Variants in RPTOR observed in about 807,000 individuals in gnomAD.
RPTOR encodes the protein regulatory-associated protein of mTOR.
Under a neutral mutation model 169.9 loss-of-function variants are expected in RPTOR, and 21 were observed. The observed-to-expected ratio is 0.12, with a 90% CI of 0.09 to 0.18. RPTOR has a LOEUF of 0.18. RPTOR is among the 10% of genes least tolerant of loss of function. The pLI is 1.00. For synonymous variants in RPTOR, 732 were observed against 753.2 expected, an observed-to-expected ratio of 0.97 and a Z score of 0.46; for missense variants, 1,133 against 1,855.9, an observed-to-expected ratio of 0.61 and a Z score of 7.16.
At chr17:80,809,167 C>T (rs1021708394) in intron 7 of RPTOR, among the ~76,000 whole-genome samples, 4 of 152,246 alleles carry the variant, frequency 2.6e-5, no homozygotes, top group Non-Finnish European at 4.4e-5. Context: ...CATGTCGACA[C>T]TTGGCATTCT....
At chr17:80,626,417 A>G (rs942362882) in intron 2 of RPTOR, among the ~76,000 whole-genome samples, 13 of 152,156 alleles carry the variant, frequency 8.5e-5, no homozygotes, top group Non-Finnish European at 1.3e-4. Flanking sequence ...TACACTTAAA[A>G]AAAAAATGGA....
At chr17:80,599,553 G>A (rs1230493813) in intron 1 of RPTOR, among the ~76,000 whole-genome samples, 2 of 152,228 alleles carry the variant, frequency 1.3e-5, no homozygotes, top group Non-Finnish European at 2.9e-5. Context: ...CTCCAGGAGA[G>A]TGCTGCTGGC....
chr17:80,717,842 C>G (rs2066252599), intron 4 of RPTOR, among the ~76,000 whole-genome samples: 1 of 152,202 alleles, frequency 6.6e-6, no homozygotes, highest in African/African-American at 2.4e-5. Flanking sequence ...CATGCACCGC[C>G]CTCCCTTGCA....
chr17:80,714,624 G>A (rs530720272), intron 4 of RPTOR, among the ~76,000 whole-genome samples: 1 of 152,302 alleles, frequency 6.6e-6, no homozygotes, highest in South Asian at 2.1e-4. Flanking sequence ...ATGAAACTAT[G>A]ACACCCAAAT....
At chr17:80,835,202 A>G (rs2067550451) in intron 9 of RPTOR, among the ~76,000 whole-genome samples, 1 of 152,204 alleles carries the variant, frequency 6.6e-6, no homozygotes, top group Non-Finnish European at 1.5e-5. Context: ...TATATTTCAT[A>G]TATTTGAAAG....
chr17:80,626,642 C>CA (rs1475317736), intron 2 of RPTOR, among the ~76,000 whole-genome samples: 1 of 151,044 alleles, frequency 6.6e-6, no homozygotes, highest in African/African-American at 2.4e-5. Context: ...GAACATGAGA[C>CA]ATAGAGATTA....
chr17:80,593,180 A>T (rs555843074), intron 1 of RPTOR: 1 of 153,142 alleles, frequency 6.5e-6, no homozygotes, highest in East Asian at 1.9e-4. Flanking sequence ...CACTTCAAGG[A>T]AAACAACTGA....
Position 80,746,975 on chromosome 17 carries a change from C to T in RPTOR, c.655-7035C>T, listed in dbSNP as rs968238758. Among the ~76,000 whole-genome samples the T allele has an allele frequency of 1.3e-4, 20 of 151,926 alleles. No homozygotes were observed. The highest frequency in any genetic ancestry group is 1.1e-3 in the Admixed American group (17 of 15,264). On this transcript the variant is annotated intron_variant, in intron 5 of 33. Transcript: ENST00000306801. The surrounding 1 kb of genome is among the most constrained non-coding windows in gnomAD (Gnocchi z 4.5). ...GGTCAGGCCTGTAACCCCAGAACTTCGGGAGGCCGAGGCAGGCAGCTCACT... is the reference window on the plus strand; with the variant it reads ...GGTCAGGCCTGTAACCCCAGAACTTTGGGAGGCCGAGGCAGGCAGCTCACT...
At chr17:80,674,787 C>CAAAAAAAAAAAAAAA (rs9319608) in intron 3 of RPTOR, among the ~76,000 whole-genome samples, 6 of 89,952 alleles carry the variant, frequency 6.7e-5, no homozygotes, top group African/African-American at 1.2e-4. Flanking sequence ...GACTCTGTCT[C>CAAAAAAAAAAAAAAA]AAAAAAAAAA....
intron 25 of RPTOR, among the ~76,000 whole-genome samples, chr17:80,942,232 G>A (rs953419367): frequency 5.3e-5 from 8 of 151,696 alleles, no homozygotes; most frequent in African/African-American, 9.7e-5. Context: ...GCCAGCACAC[G>A]GGGGCTGCCT....
intron 6 of RPTOR, among the ~76,000 whole-genome samples, chr17:80,771,377 C>G (rs979254140): frequency 6.6e-6 from 1 of 152,200 alleles, no homozygotes; most frequent in Non-Finnish European, 1.5e-5. Context: ...ACCTCTCATG[C>G]CTGAAACAAA....
chr17:80,545,130 G>T lies in RPTOR; in HGVS notation c.-500G>T, dbSNP rs906470623. 15 of 234,132 alleles carry T rather than the reference G, an allele frequency of 6.4e-5. No individual in the cohort carries two copies. The highest frequency in any genetic ancestry group is 8.4e-5 in the Non-Finnish European group (10 of 118,410). The allele number at this position is 234,132 out of a possible 1,614,324, so 14.5% of individuals were successfully genotyped here. On this transcript the variant is annotated 5_prime_UTR_variant, in exon 1 of 34. Coordinates refer to ENST00000306801, the MANE Select transcript of RPTOR (RefSeq NM_020761.3). ...CTCAGACGAGTGCGGGACCCGCAGG[G>T]CTGAGAGTGGCTGGAGGAGACCCAG... is the stretch of plus-strand genomic sequence containing the variant.
At chr17:80,759,457 CAG>C (rs1166306081) in intron 6 of RPTOR, among the ~76,000 whole-genome samples, 3 of 152,110 alleles carry the variant, frequency 2.0e-5, no homozygotes, top group Non-Finnish European at 4.4e-5. Flanking sequence ...CAGTGGCAGA[CAG>C]TGGTCATCAG....
chr17:80,950,270 C>G (rs1468036), intron 28 of RPTOR, among the ~76,000 whole-genome samples: 18,657 of 152,294 alleles, frequency 0.12, 2,883 homozygotes, highest in African/African-American at 0.37. Context: ...GCCAGCCCCC[C>G]TCTGCCGGCT....
At position 80,852,942 on chromosome 17, in the gene RPTOR, A is replaced by G. The variant is rs1124935; in HGVS notation, c.1315-2522A>G. Among the ~76,000 whole-genome samples, 643 of 151,018 alleles carry G rather than the reference A, an allele frequency of 4.3e-3. 3 individuals carry two copies. The highest frequency in any genetic ancestry group is 6.7e-3 in the Non-Finnish European group (457 of 67,774). On this transcript the variant is annotated intron_variant, in intron 11 of 33. Coordinates refer to ENST00000306801, the MANE Select transcript of RPTOR (RefSeq NM_020761.3). Reference sequence around the variant, plus strand: ...CCCCTGCCTCTCTTGAGGGTTTTCAAACTCATCCCAAACCTTCTTTTCTAG... The same window carrying G: ...CCCCTGCCTCTCTTGAGGGTTTTCAGACTCATCCCAAACCTTCTTTTCTAG...
chr17:80,636,601 G>A (rs2065508688), intron 2 of RPTOR, among the ~76,000 whole-genome samples: 1 of 152,136 alleles, frequency 6.6e-6, no homozygotes, highest in African/African-American at 2.4e-5. Context: ...ATCGCCTCCT[G>A]AAGGCCCCAT....
chr17:80,578,142 G>A (rs1285262349), intron 1 of RPTOR, among the ~76,000 whole-genome samples: 1 of 152,176 alleles, frequency 6.6e-6, no homozygotes, highest in Admixed American at 6.5e-5. Context: ...GATGCAAACC[G>A]TCATCTGAGG....
At chr17:80,964,149 TC>T in intron 33 of RPTOR, 112 bp from the exon 34 acceptor site, 1 of 930,098 alleles carries the variant, frequency 1.1e-6, no homozygotes, top group Non-Finnish European at 1.7e-6. Context: ...GCGTGGGGGT[TC>T]CTGAGACCCC....
intron 28 of RPTOR, among the ~76,000 whole-genome samples, chr17:80,951,403 T>C (rs1034468248): frequency 6.6e-6 from 1 of 152,004 alleles, no homozygotes; most frequent in East Asian, 1.9e-4. Flanking sequence ...TCCTTCAGAG[T>C]GGGAGCCTGT....
Sources: gnomAD v4.1 joint callset for allele counts (sites outside exome capture counted in the v4.1 genomes callset) on GRCh38, gnomAD v4.1.1 for gene constraint, Gnocchi (gnomAD v3.1) non-coding constraint, MANE v1.5 for transcripts, NCBI Gene and HGNC (gene_info 2026-07-23, HGNC 2026-07-21) for gene names.